The following ANTXR2 variants were observed in gnomAD, a reference collection of about 807,000 sequenced individuals.
ANTXR2 encodes ANTXR cell adhesion molecule 2, also known as anthrax toxin receptor 2.
A neutral mutation model predicts 73.7 loss-of-function variants in ANTXR2; 44 were observed. The ratio of observed to expected loss-of-function variants is 0.60; its 90% confidence interval spans 0.47 to 0.77. ANTXR2 has a LOEUF of 0.77. Ranked by LOEUF, ANTXR2 falls within the 30% of genes least tolerant of loss-of-function variation. The pLI is 0.00. For synonymous variants in ANTXR2, 217 were observed against 205.9 expected, an observed-to-expected ratio of 1.05 and a Z score of -0.46; for missense variants, 604 against 592.5, an observed-to-expected ratio of 1.02 and a Z score of -0.20.
At chr4:79,908,947 G>C (rs1727020795) in intron 16 of ANTXR2, among the ~76,000 whole-genome samples, 1 of 152,120 alleles carries the variant, frequency 6.6e-6, no homozygotes, top group Non-Finnish European at 1.5e-5. Flanking sequence ...AACACGTTAT[G>C]TTCCATGGTT....
At chr4:80,023,933 A>C (rs1732296054) in intron 10 of ANTXR2, among the ~76,000 whole-genome samples, 1 of 152,232 alleles carries the variant, frequency 6.6e-6, no homozygotes, top group Admixed American at 6.5e-5. Flanking sequence ...ATAGAAATAT[A>C]GTTAGAAATG....
chr4:79,933,698 A>T (rs963791515), intron 16 of ANTXR2, among the ~76,000 whole-genome samples: 205 of 34,456 alleles, frequency 5.9e-3, no homozygotes, highest in Middle Eastern at 0.02. Context: ...CTATCCCTCC[A>T]CCCTCCCCCC....
intron 16 of ANTXR2, among the ~76,000 whole-genome samples, chr4:79,924,183 CTA>C (rs1250562173): frequency 6.6e-5 from 10 of 152,212 alleles, no homozygotes; most frequent in Admixed American, 5.9e-4. Context: ...TCTATTATTT[CTA>C]TCTTTATGTC....
At position 79,983,747 on chromosome 4, in the gene ANTXR2, A is replaced by G. The variant is rs549654489; in HGVS notation, c.1179+131T>C. On this transcript the variant is annotated intron_variant, in intron 14 of 16. Coordinates refer to ENST00000403729, the MANE Select transcript of ANTXR2 (RefSeq NM_058172.6). ...TCCATAGAAAAAAAAATGTATCCAGAAAAGACCCAGTGTTAAGCACAAATG... is the reference window on the plus strand; with the variant it reads ...TCCATAGAAAAAAAAATGTATCCAGGAAAGACCCAGTGTTAAGCACAAATG... 5.2e-5 allele frequency: 39 copies of G among 752,656 alleles called. 1 individual carries two copies. The South Asian group carries it at 6.4e-4, about 12-fold the overall frequency. The allele number at this position is 752,656 out of a possible 1,614,324, so 46.6% of individuals were successfully genotyped here. A position where few individuals can be genotyped will look rare whatever the true frequency, so the allele number is the denominator to read the frequency against.
chr4:79,907,257 G>T lies in ANTXR2; in HGVS notation c.*172C>A, dbSNP rs1436510566. 2.9e-6 allele frequency: 2 copies of T among 701,260 alleles called. No homozygotes were observed. The highest frequency in any genetic ancestry group is 4.9e-6 in the Non-Finnish European group (2 of 410,378). The allele number at this position is 701,260 out of a possible 1,614,324, so 43.4% of individuals were successfully genotyped here. Reference sequence around the variant, plus strand: ...ATGTAGATGGCAGAACAAGTGTTTAGAAATGTTTGGTGCAAGCAAAGCAGA... The same window carrying T: ...ATGTAGATGGCAGAACAAGTGTTTATAAATGTTTGGTGCAAGCAAAGCAGA... On this transcript the variant is annotated 3_prime_UTR_variant, in exon 17 of 17. Transcript: ENST00000403729.
In ANTXR2 at chr4:79,906,677, G is replaced by C. The variant is rs1302997320; in HGVS notation, c.*752C>G. 6.6e-6 allele frequency: 1 copy of C among 152,634 alleles called. No individual in the cohort carries two copies. The highest frequency in any genetic ancestry group is 1.5e-5 in the Non-Finnish European group (1 of 68,076). 9.5% of individuals were successfully genotyped at this position (152,634 alleles called of 1,614,324 possible). A position where few individuals can be genotyped will look rare whatever the true frequency, so the allele number is the denominator to read the frequency against. On this transcript the variant is annotated 3_prime_UTR_variant, in exon 17 of 17. Transcript: ENST00000403729. ...CCCTTGCACTACACTCAAGATCTCT[G>C]GCTAGAGGCCTTCTGTGGAATAACG... is the stretch of plus-strand genomic sequence containing the variant.
chr4:79,980,937 A>AAAGAG (rs887855535), intron 14 of ANTXR2, among the ~76,000 whole-genome samples: 2 of 151,238 alleles, frequency 1.3e-5, no homozygotes, highest in Non-Finnish European at 3.0e-5. Flanking sequence ...AAAAAAAAAA[A>AAAGAG]AAAAAGAGAA....
intron 16 of ANTXR2, among the ~76,000 whole-genome samples, chr4:79,930,355 A>C (rs1346073902): frequency 6.6e-6 from 1 of 152,192 alleles, no homozygotes; most frequent in Non-Finnish European, 1.5e-5. Flanking sequence ...CCTACAGTAC[A>C]ACACAAGCTA....
chr4:79,947,194 T>C (rs79264396), intron 16 of ANTXR2, among the ~76,000 whole-genome samples: 2 of 152,318 alleles, frequency 1.3e-5, no homozygotes, highest in African/African-American at 4.8e-5. Flanking sequence ...AATGAACCAT[T>C]TATCAGTTTT....
chr4:80,033,526 T>C lies in ANTXR2; in HGVS notation c.742A>G (p.Ser248Gly), dbSNP rs1207452083. Reference protein sequence around the residue: ...VLSGRGFMLGSRNGSVLCTYT... With the variant: ...VLSGRGFMLGGRNGSVLCTYT... ...GTGCAGAGAACACTGCCATTCCGAC[T>C]GCCCAGCATGAATCCTCTTCCACTT... The change falls in exon 9 of 17, where the codon AGT becomes GGT. Residue 248 changes from serine (S) to glycine (G), a missense_variant. Physicochemically the swap from Ser to Gly is moderately conservative, Grantham distance 56. Coordinates refer to ENST00000403729, the MANE Select transcript of ANTXR2 (RefSeq NM_058172.6). The C allele has an allele frequency of 1.9e-6, 3 of 1,597,752 alleles. No individual in the cohort carries two copies. The highest frequency in any genetic ancestry group is 2.3e-5 in the East Asian group (1 of 44,258).
chr4:80,039,238 G>GT (rs35015205), intron 7 of ANTXR2, among the ~76,000 whole-genome samples: 15,800 of 152,072 alleles, frequency 0.1, 1,883 homozygotes, highest in East Asian at 0.64. Flanking sequence ...AGGGAGAAGA[G>GT]TAAGAAGAGA....
At chr4:79,998,198 T>C (rs1013557267) in intron 12 of ANTXR2, among the ~76,000 whole-genome samples, 1 of 151,934 alleles carries the variant, frequency 6.6e-6, no homozygotes, top group African/African-American at 2.4e-5. Context: ...AACTAACTTA[T>C]AGGCAAATTG....
chr4:80,010,412 G>A (rs1361596102), intron 11 of ANTXR2, among the ~76,000 whole-genome samples: 1 of 152,156 alleles, frequency 6.6e-6, no homozygotes, highest in Admixed American at 6.5e-5. Flanking sequence ...ATCTGTGACT[G>A]TCCATGTACA....
intron 3 of ANTXR2, among the ~76,000 whole-genome samples, chr4:80,068,762 A>T (rs1734640664): frequency 6.6e-6 from 1 of 151,966 alleles, no homozygotes; most frequent in African/African-American, 2.4e-5. Context: ...ACAGAGAGAG[A>T]CTCTGTCTCA....
At position 79,907,093 on chromosome 4, in the gene ANTXR2, GTGTTGTTGC is replaced by G. The variant is rs1332358353; in HGVS notation, c.*327_*335del. 2 of 309,124 alleles carry G rather than the reference GTGTTGTTGC, an allele frequency of 6.5e-6. No homozygotes were observed. The highest frequency in any genetic ancestry group is 2.2e-5 in the African/African-American group (1 of 44,810). 19.1% of individuals were successfully genotyped at this position (309,124 alleles called of 1,614,324 possible). On this transcript the variant is annotated 3_prime_UTR_variant, in exon 17 of 17. Transcript: ENST00000403729. The stretch of plus-strand genomic sequence containing the variant: ...TGGTCCTTGTTTTGGTATCATCTTC[GTGTTGTTGC>G]TGTTGTTGCTTTTTCCTCTTCTACA...
At chr4:80,059,451 T>C (rs1436024137) in intron 3 of ANTXR2, among the ~76,000 whole-genome samples, 2 of 151,952 alleles carry the variant, frequency 1.3e-5, no homozygotes, top group African/African-American at 4.8e-5. Flanking sequence ...TTCAAACCCC[T>C]GGACTCATGC....
chr4:80,055,110 T>C (rs1308550879), intron 6 of ANTXR2, 40 bp downstream of exon 6: 5 of 1,496,512 alleles, frequency 3.3e-6, no homozygotes, highest in South Asian at 1.2e-5. Flanking sequence ...AAGACAATTA[T>C]GTGGTTCAGA....
chr4:80,063,275 T>C (rs996085758), intron 3 of ANTXR2, among the ~76,000 whole-genome samples: 1 of 152,182 alleles, frequency 6.6e-6, no homozygotes, highest in African/African-American at 2.4e-5. Context: ...ATGTAGCTCC[T>C]ATGCCTATTC....
chr4:80,008,088 T>C (rs1313194764), intron 12 of ANTXR2, among the ~76,000 whole-genome samples: 1 of 152,088 alleles, frequency 6.6e-6, no homozygotes. Context: ...CGAACAAATA[T>C]TTTTCAGTAG....
Sources: allele counts gnomAD v4.1 joint callset (sites outside exome capture counted in the v4.1 genomes callset), GRCh38; gene constraint gnomAD v4.1.1; transcripts MANE v1.5; gene names NCBI Gene and HGNC (gene_info 2026-07-23, HGNC 2026-07-21).